FGGY: variants seen among roughly 807,000 people sequenced by gnomAD.
The protein encoded by FGGY is FGGY carbohydrate kinase domain containing, also known as FGGY carbohydrate kinase domain-containing protein.
A neutral mutation model predicts 71.3 loss-of-function variants in FGGY; 72 were observed. The observed-to-expected ratio is 1.01, with a 90% CI of 0.84 to 1.23. FGGY has a LOEUF of 1.23. Ranked by LOEUF, FGGY falls within the 50% of genes most tolerant of loss-of-function variation. The probability of loss-of-function intolerance (pLI) is 0.00; values close to 1 mark genes in which losing one functional copy is unlikely to be tolerated. For synonymous variants in FGGY, 251 were observed against 250.3 expected (o/e 1.00, Z -0.02); for missense variants, 668 against 682.3 (o/e 0.98, Z 0.23).
At chr1:59,385,985 AT>A (rs1259150088) in intron 5 of FGGY, among the ~76,000 whole-genome samples, 1 of 152,176 alleles carries the variant, frequency 6.6e-6, no homozygotes, top group African/African-American at 2.4e-5. Flanking sequence ...AGTATGTGCT[AT>A]TAAATTTAGT....
At chr1:59,622,676 A>C (rs978589833) in intron 9 of FGGY, among the ~76,000 whole-genome samples, 2 of 152,042 alleles carry the variant, frequency 1.3e-5, no homozygotes, top group African/African-American at 4.8e-5. Context: ...TCCCCTCCAC[A>C]ACTTACTTCC....
At chr1:59,674,189 C>T (rs1272992555) in intron 14 of FGGY, 56 bp downstream of exon 14, 22 of 1,327,674 alleles carry the variant, frequency 1.7e-5, no homozygotes, top group Admixed American at 1.1e-4. Flanking sequence ...GGCCATCCTT[C>T]CTCTTGACAG....
At chr1:59,473,162 G>T (rs1210445705) in intron 6 of FGGY, among the ~76,000 whole-genome samples, 1 of 152,032 alleles carries the variant, frequency 6.6e-6, no homozygotes, top group Non-Finnish European at 1.5e-5. Context: ...CACTCTTTGG[G>T]TCCACTTTGC....
rs556384498 is a variant in FGGY, at chr1:59,493,544, C to G, written c.671-18767C>G. Among the ~76,000 whole-genome samples, 5 of 151,978 alleles carry G rather than the reference C, an allele frequency of 3.3e-5. No individual in the cohort carries two copies. In the South Asian group the frequency reaches 1.0e-3, roughly 32 times the overall value. On this transcript the variant is annotated intron_variant, in intron 6 of 15. Coordinates refer to ENST00000303721, the MANE Select transcript of FGGY (RefSeq NM_018291.5). ...TGAAATAAGGCAGTCACAAAAGGAC[C>G]AATACTGTATGATCCTTCTTATATG...
chr1:59,534,743 T>G (rs1313859465), intron 7 of FGGY, among the ~76,000 whole-genome samples: 1 of 149,746 alleles, frequency 6.7e-6, no homozygotes, highest in African/African-American at 2.4e-5. Context: ...GCTTCATAAG[T>G]GAAGGAGAAA....
At chr1:59,734,305 G>A (rs577250911) in intron 14 of FGGY, among the ~76,000 whole-genome samples, 7 of 152,240 alleles carry the variant, frequency 4.6e-5, no homozygotes, top group East Asian at 1.9e-4. Flanking sequence ...CTGGGCTCAC[G>A]TGATCCTCCC....
chr1:59,586,008 C>G (rs1405378096), intron 8 of FGGY, among the ~76,000 whole-genome samples: 6 of 152,148 alleles, frequency 3.9e-5, no homozygotes, highest in African/African-American at 1.4e-4. Flanking sequence ...AAACAGGAAA[C>G]AACAGATGCT....
chr1:59,376,065 A>G (rs777055427), intron 4 of FGGY, among the ~76,000 whole-genome samples: 5 of 152,030 alleles, frequency 3.3e-5, no homozygotes, highest in African/African-American at 4.8e-5. Context: ...CACAAGACAT[A>G]TGGAAATAGA....
chr1:59,550,585 A>G (rs1026516226), intron 7 of FGGY, among the ~76,000 whole-genome samples: 4 of 152,118 alleles, frequency 2.6e-5, no homozygotes, highest in Non-Finnish European at 5.9e-5. Context: ...CTGTGTATAT[A>G]CTGAGAATGG....
chr1:59,618,634 A>T (rs984726590), intron 9 of FGGY, among the ~76,000 whole-genome samples: 4 of 152,098 alleles, frequency 2.6e-5, no homozygotes, highest in African/African-American at 9.7e-5. Flanking sequence ...TAAATACAAT[A>T]AATTAAATAC....
At chr1:59,408,374 A>G (rs1249083827) in intron 5 of FGGY, among the ~76,000 whole-genome samples, 2 of 152,164 alleles carry the variant, frequency 1.3e-5, no homozygotes, top group African/African-American at 2.4e-5. Flanking sequence ...CTTAATCTTT[A>G]CTTATTAAAT....
Position 59,469,188 on chromosome 1 carries a change from G to A in FGGY, c.670+12112G>A, listed in dbSNP as rs531950071. Among the ~76,000 whole-genome samples, 123 of 152,230 alleles carry A rather than the reference G, an allele frequency of 8.1e-4. 1 individual carries two copies. Among genetic ancestry groups the A allele is most frequent in the Non-Finnish European group, 1.5e-3 (103 of 68,034 alleles). ...ATGAACTCAGAGCCCACAGGCCTGA[G>A]TACAGGTGGCTCAAGAAGAAAGTAT... On this transcript the variant is annotated intron_variant, in intron 6 of 15. Coordinates refer to ENST00000303721, the MANE Select transcript of FGGY (RefSeq NM_018291.5).
At chr1:59,514,045 A>G (rs1295210604) in intron 7 of FGGY, among the ~76,000 whole-genome samples, 1 of 152,178 alleles carries the variant, frequency 6.6e-6, no homozygotes, top group East Asian at 1.9e-4. Flanking sequence ...CTCTCCAAAT[A>G]CTTTTCAGTG....
chr1:59,414,159 C>T (rs1294082651), intron 5 of FGGY, among the ~76,000 whole-genome samples: 1 of 152,216 alleles, frequency 6.6e-6, no homozygotes. Flanking sequence ...CCTTTACCTT[C>T]CTTGTGCCAT....
At chr1:59,322,755 G>T (rs1432589787) in intron 2 of FGGY, among the ~76,000 whole-genome samples, 1 of 152,130 alleles carries the variant, frequency 6.6e-6, no homozygotes, top group East Asian at 1.9e-4. Context: ...CACAATTCTT[G>T]TTTGTTTTTA....
chr1:59,631,089 T>C (rs2153867360), intron 10 of FGGY, among the ~76,000 whole-genome samples: 1 of 152,304 alleles, frequency 6.6e-6, no homozygotes, highest in East Asian at 1.9e-4. Context: ...CTCAGCAGCA[T>C]GGGGCATCAG....
At chr1:59,735,473 C>T (rs2098092670) in intron 14 of FGGY, among the ~76,000 whole-genome samples, 1 of 152,194 alleles carries the variant, frequency 6.6e-6, no homozygotes, top group African/African-American at 2.4e-5. Flanking sequence ...CTTATGAGAG[C>T]ATTCTCAGAC....
intron 4 of FGGY, among the ~76,000 whole-genome samples, chr1:59,350,078 C>T (rs2052939726): frequency 2.0e-5 from 3 of 152,134 alleles, no homozygotes; most frequent in Admixed American, 6.6e-5. Context: ...AGTTTGATAG[C>T]TTCAGTAGAG....
At chr1:59,340,530 A>G (rs2050457478) in intron 3 of FGGY, among the ~76,000 whole-genome samples, 1 of 152,202 alleles carries the variant, frequency 6.6e-6, no homozygotes, top group Admixed American at 6.5e-5. Context: ...GTAGAAGCAG[A>G]TGGCCTCTCT....
Sources: gnomAD v4.1 joint callset for allele counts (sites outside exome capture counted in the v4.1 genomes callset) on GRCh38, gnomAD v4.1.1 for gene constraint, MANE v1.5 for transcripts, NCBI Gene and HGNC (gene_info 2026-07-23, HGNC 2026-07-21) for gene names.